The following USP43 variants were observed in gnomAD, a reference collection of about 807,000 sequenced individuals.
The protein encoded by USP43 is ubiquitin specific peptidase 43.
USP43 carries 33 observed loss-of-function variants against 90.7 expected under a neutral mutation model. The observed-to-expected ratio is 0.36, with a 90% CI of 0.28 to 0.49. USP43 has a LOEUF of 0.49. Among genes scored for constraint, USP43 ranks in the 20% least tolerant of loss-of-function variants. USP43 has a pLI of 0.98. For synonymous variants in USP43, 598 were observed against 615.8 expected, an observed-to-expected ratio of 0.97 and a Z score of 0.43; for missense variants, 1,274 against 1,476.4, an observed-to-expected ratio of 0.86 and a Z score of 2.25.
intron 7 of USP43, among the ~76,000 whole-genome samples, chr17:9,683,382 G>A (rs1032355887): frequency 1.3e-5 from 2 of 152,114 alleles, no homozygotes; most frequent in Non-Finnish European, 2.9e-5. Flanking sequence ...AAAACAGATA[G>A]CTTTCTTATA....
Position 9,728,729 on chromosome 17 carries a change from G to A in USP43, c.3111G>A (p.Gln1037=), listed in dbSNP as rs1196865011. 8.1e-6 allele frequency: 13 copies of A among 1,600,720 alleles called. No homozygotes were observed. Among genetic ancestry groups the A allele is most frequent in the Non-Finnish European group, 1.1e-5 (13 of 1,174,154 alleles). ...GGCTGAGCCCTGCCATGGACGGGCA[G>A]GCTCCAGGCTCACCTCCTGCCCTCA... is the stretch of plus-strand genomic sequence containing the variant. ...SGGLSPAMDG[Q]APGSPPALRI... The change falls in exon 15 of 15, where the codon CAG becomes CAA. Residue 1037 remains glutamine, a synonymous_variant. Coordinates refer to ENST00000285199, the MANE Select transcript of USP43 (RefSeq NM_153210.5). The surrounding 1 kb of genome is among the most constrained non-coding windows in gnomAD (Gnocchi z 6.2).
intron 1 of USP43, among the ~76,000 whole-genome samples, chr17:9,648,938 C>CCTCTCTTTCTCT (rs1458953870): frequency 2.6e-3 from 341 of 129,894 alleles, no homozygotes; most frequent in African/African-American, 0.01. Context: ...TGTCTCTCTC[C>CCTCTCTTTCTCT]CTCTCTCTCT....
At chr17:9,716,072 T>C (rs1316521320) in intron 14 of USP43, among the ~76,000 whole-genome samples, 1 of 149,202 alleles carries the variant, frequency 6.7e-6, no homozygotes, top group African/African-American at 2.5e-5. Context: ...TGTGTGTGTA[T>C]TGTTTGTGCC....
chr17:9,665,688 T>C (rs2151967809), intron 2 of USP43, among the ~76,000 whole-genome samples: 1 of 152,278 alleles, frequency 6.6e-6, no homozygotes, highest in South Asian at 2.1e-4. Context: ...TGATTAAGAA[T>C]CTTGAGATGG....
chr17:9,687,189 G>A (rs1220634991), intron 8 of USP43, among the ~76,000 whole-genome samples: 8 of 152,042 alleles, frequency 5.3e-5, no homozygotes, highest in Admixed American at 1.3e-4. Context: ...TGGGAAAATG[G>A]CATTTACATT....
rs1329204845 is a variant in USP43, at chr17:9,709,783, G to GTATAACT, written c.2012-170_2012-164dup. ...CACTTGTTATAGTAAGAATCCGAGG[G>GTATAACT]TATAACTTACTGATCTTTTCTGATT... On this transcript the variant is annotated intron_variant, in intron 12 of 14. Transcript: ENST00000285199. The surrounding 1 kb of genome is among the most constrained non-coding windows in gnomAD (Gnocchi z 5.0). Among the ~76,000 whole-genome samples the GTATAACT allele has an allele frequency of 2.6e-5, 4 of 152,142 alleles. No homozygotes were observed. The highest frequency in any genetic ancestry group is 1.3e-4 in the Admixed American group (2 of 15,264).
intron 9 of USP43, among the ~76,000 whole-genome samples, chr17:9,694,538 A>C (rs1390565418): frequency 6.6e-6 from 1 of 152,210 alleles, no homozygotes; most frequent in African/African-American, 2.4e-5. Context: ...TATGATGGAT[A>C]TGATAATTTC....
rs1290872272 is a variant in USP43 at position 9,656,408 on chromosome 17, A to G, written c.510A>G (p.Ala170=). 1.2e-6 allele frequency: 2 copies of G among 1,610,744 alleles called. No individual in the cohort carries two copies. Among genetic ancestry groups the G allele is most frequent in the Non-Finnish European group, 1.7e-6 (2 of 1,178,622 alleles). ...ATTTCCTTTTTTCCTTTCAGAATGC[A>G]GTTTCCAAGTACGGCTCTCAGTTCC... The part of the protein sequence containing the change: ...TPQLSAEFKN[A]VSKYGSQFQG... The change falls in exon 2 of 15, where the codon GCA becomes GCG. Residue 170 remains alanine (A), a synonymous_variant. Transcript: ENST00000285199.
chr17:9,647,146 A>T (rs1337047270), intron 1 of USP43: 1 of 151,870 alleles, frequency 6.6e-6, no homozygotes, highest in East Asian at 1.9e-4. Flanking sequence ...AGCTCCCTAC[A>T]GACTAGTGAT....
chr17:9,665,911 A>G (rs1054797735), intron 2 of USP43, among the ~76,000 whole-genome samples: 2 of 152,188 alleles, frequency 1.3e-5, no homozygotes, highest in Non-Finnish European at 2.9e-5. Flanking sequence ...GTCAAGGAAC[A>G]GACTCTCATC....
chr17:9,688,748 G>A (rs990677255), intron 8 of USP43, among the ~76,000 whole-genome samples: 1 of 152,116 alleles, frequency 6.6e-6, no homozygotes, highest in Non-Finnish European at 1.5e-5. Flanking sequence ...GTGCCGTGGT[G>A]CGGTAATGGC....
chr17:9,719,179 T>A (rs1228761370), intron 14 of USP43, among the ~76,000 whole-genome samples: 1 of 152,206 alleles, frequency 6.6e-6, no homozygotes, highest in African/African-American at 2.4e-5. Flanking sequence ...AGCTCATTCA[T>A]CCCTGTCAGC....
chr17:9,680,958 A>G (rs566280023), intron 6 of USP43, among the ~76,000 whole-genome samples: 1 of 146,404 alleles, frequency 6.8e-6, no homozygotes, highest in East Asian at 2.0e-4. Flanking sequence ...ATCAGGATAC[A>G]TTTTGGCCAA....
chr17:9,673,201 T>A (rs1180946675), intron 3 of USP43, among the ~76,000 whole-genome samples: 1 of 152,130 alleles, frequency 6.6e-6, no homozygotes, highest in South Asian at 2.1e-4. Context: ...GGTATGTACA[T>A]GTGGAATATA....
chr17:9,699,349 C>CT (rs1915444057), intron 9 of USP43, among the ~76,000 whole-genome samples: 1 of 152,200 alleles, frequency 6.6e-6, no homozygotes, highest in African/African-American at 2.4e-5. Flanking sequence ...CCTTGTTCCT[C>CT]ACTCCCTCCT....
In USP43 at chr17:9,701,248, C is replaced by A. The variant is rs1359507278; in HGVS notation, c.1662+3C>A. Reference sequence around the variant, plus strand: ...AGTTCTACACCAAGGAGGAGCAGGTCCCGCCCTGGGGGTCCATGCCCCGGC... The same window carrying A: ...AGTTCTACACCAAGGAGGAGCAGGTACCGCCCTGGGGGTCCATGCCCCGGC... On this transcript the variant is annotated splice_donor_region_variant and intron_variant, in intron 11 of 14. Transcript: ENST00000285199. This position sits in a 1 kb window ranked among gnomAD's most constrained non-coding sequence, Gnocchi z 7.2. 2.5e-6 allele frequency: 4 copies of A among 1,606,492 alleles called. No individual in the cohort carries two copies. Among genetic ancestry groups the A allele is most frequent in the Non-Finnish European group, 3.4e-6 (4 of 1,176,262 alleles).
intron 9 of USP43, 23 bp downstream of exon 9, chr17:9,693,253 A>G (rs374849890): frequency 4.7e-5 from 75 of 1,584,868 alleles, no homozygotes; most frequent in Non-Finnish European, 6.1e-5. Flanking sequence ...GTCCAGGTTC[A>G]GTCAGCTAAT....
chr17:9,645,507 C>T (rs1371696704), upstream of USP43: 34 of 959,526 alleles, frequency 3.5e-5, no homozygotes, highest in Admixed American at 2.5e-4. The surrounding 1 kb of genome is among the most constrained non-coding windows in gnomAD (Gnocchi z 6.8). Context: ...CGCCTCCGCC[C>T]CGTCCCCGCA....
Position 9,728,823 on chromosome 17 carries a change from T to A in USP43, c.3205T>A (p.Ser1069Thr). The A allele has an allele frequency of 6.2e-7, 1 of 1,613,506 alleles. No individual in the cohort carries two copies. The highest frequency in any genetic ancestry group is 8.5e-7 in the Non-Finnish European group (1 of 1,179,732). ...LERDVWSAPS[S>T]LRLPRKASRA... is the part of the protein sequence containing the mutation. ...GAGGGATGTCTGGTCAGCCCCCAGCTCTCTCCGCCTCCCTCGTAAAGCCAG... is the reference window on the plus strand; with the variant it reads ...GAGGGATGTCTGGTCAGCCCCCAGCACTCTCCGCCTCCCTCGTAAAGCCAG... Residue 1069 changes from serine to threonine, a missense_variant, in exon 15 of 15, where the codon TCT becomes ACT. By Grantham distance (58) the Ser-to-Thr change is moderately conservative. Transcript: ENST00000285199. The surrounding 1 kb of genome is among the most constrained non-coding windows in gnomAD (Gnocchi z 6.2).
Sources: gnomAD v4.1 joint callset for allele counts (sites outside exome capture counted in the v4.1 genomes callset) on GRCh38, gnomAD v4.1.1 for gene constraint, Gnocchi (gnomAD v3.1) non-coding constraint, MANE v1.5 for transcripts, NCBI Gene and HGNC (gene_info 2026-07-23, HGNC 2026-07-21) for gene names.